TRPM6: variants seen among roughly 807,000 people sequenced by gnomAD.
TRPM6 encodes the protein transient receptor potential cation channel subfamily M member 6, also known as channel kinase 2.
Under a neutral mutation model 247.6 loss-of-function variants are expected in TRPM6, and 111 were observed. That is an observed-to-expected ratio of 0.45 (90% CI 0.38 to 0.52). The LOEUF (loss-of-function observed/expected upper bound fraction) is 0.52, where lower values mean the gene tolerates loss of function less well. TRPM6 is among the 20% of genes least tolerant of loss of function. The probability of loss-of-function intolerance (pLI) is 0.00; values close to 1 mark genes in which losing one functional copy is unlikely to be tolerated. For missense variants in TRPM6, 2,126 were observed against 2,421.5 expected (o/e 0.88, Z 2.56); for synonymous variants, 892 against 853.8 (o/e 1.04, Z -0.78).
intron 38 of TRPM6, among the ~76,000 whole-genome samples, chr9:74,727,930 G>C (rs1256643900): frequency 1.3e-5 from 2 of 152,016 alleles, no homozygotes; most frequent in African/African-American, 2.4e-5. Flanking sequence ...GTGGGGGGTG[G>C]GGCGGGGGCA....
At chr9:74,788,895 A>G (rs565185719) in intron 19 of TRPM6, among the ~76,000 whole-genome samples, 153 bp from the exon 20 acceptor site, 1 of 152,306 alleles carries the variant, frequency 6.6e-6, no homozygotes, top group South Asian at 2.1e-4. Flanking sequence ...ATGACCTACT[A>G]TCAAGGAAAG....
intron 6 of TRPM6, among the ~76,000 whole-genome samples, chr9:74,829,582 G>A (rs1377578173): frequency 6.6e-6 from 1 of 152,080 alleles, no homozygotes; most frequent in Admixed American, 6.6e-5. Context: ...TATTCAGAGG[G>A]TTGTTGTGAG....
chr9:74,826,059 A>C (rs1381431998), intron 7 of TRPM6, among the ~76,000 whole-genome samples: 1 of 151,848 alleles, frequency 6.6e-6, no homozygotes, highest in African/African-American at 2.4e-5. Flanking sequence ...CCCTCCTCCT[A>C]CCCCACAACC....
Position 74,870,405 on chromosome 9 carries a change from C to G in TRPM6, c.34-11657G>C, listed in dbSNP as rs1377354922. Among the ~76,000 whole-genome samples, 7 of 151,962 alleles carry G rather than the reference C, an allele frequency of 4.6e-5. No homozygotes were observed. In the East Asian group the frequency reaches 1.4e-3, roughly 29 times the overall value. ...GGATAAAGGATAAGAGTAAATGTAA[C>G]TGGGGATCATGGGCATTCAATAAAT... On this transcript the variant is annotated intron_variant, in intron 1 of 38. Transcript: ENST00000360774.
intron 19 of TRPM6, among the ~76,000 whole-genome samples, chr9:74,790,418 ATAGT>A (rs1341501496): frequency 6.6e-6 from 1 of 152,198 alleles, no homozygotes; most frequent in African/African-American, 2.4e-5. Context: ...TGGTTTCAGC[ATAGT>A]TAGACAATTT....
chr9:74,864,513 A>G (rs895938169), intron 1 of TRPM6, among the ~76,000 whole-genome samples: 4 of 152,202 alleles, frequency 2.6e-5, no homozygotes, highest in Admixed American at 6.5e-5. Context: ...TGTTCCACCA[A>G]CACTACCAGA....
chr9:74,738,748 T>C (rs528125306), intron 35 of TRPM6, 136 bp from the exon 36 acceptor site: 3 of 783,498 alleles, frequency 3.8e-6, no homozygotes, highest in Non-Finnish European at 6.6e-6. Flanking sequence ...TTGCCCTTTC[T>C]ATGGAAGGGA....
intron 20 of TRPM6, among the ~76,000 whole-genome samples, chr9:74,787,168 C>T (rs12338726): frequency 6.6e-6 from 1 of 152,100 alleles, no homozygotes; most frequent in Non-Finnish European, 1.5e-5. Flanking sequence ...AACCCTGTCT[C>T]TGCTAAAAAT....
intron 1 of TRPM6, chr9:74,887,249 C>G (rs1453569552): frequency 7.8e-7 from 1 of 1,275,828 alleles, no homozygotes; most frequent in African/African-American, 1.5e-5. Flanking sequence ...GCGCTGTCAT[C>G]GCTCCGGGAC....
At chr9:74,748,722 G>C (rs1311990075) in intron 30 of TRPM6, among the ~76,000 whole-genome samples, 1 of 152,150 alleles carries the variant, frequency 6.6e-6, no homozygotes, top group East Asian at 1.9e-4. Context: ...TATTGTAAAA[G>C]AGTCAAAAAG....
intron 31 of TRPM6, 89 bp downstream of exon 31, chr9:74,747,800 A>G: frequency 8.7e-7 from 1 of 1,149,068 alleles, no homozygotes; most frequent in Non-Finnish European, 1.3e-6. Flanking sequence ...ATACAATTTC[A>G]AGAATGACAA....
intron 7 of TRPM6, among the ~76,000 whole-genome samples, chr9:74,824,186 T>C (rs1391924256): frequency 6.6e-6 from 1 of 151,856 alleles, no homozygotes; most frequent in Admixed American, 6.6e-5. Flanking sequence ...AGTCTCACTT[T>C]GTTGCCCAGG....
At chr9:74,879,116 G>A (rs1051414575) in intron 1 of TRPM6, among the ~76,000 whole-genome samples, 1 of 151,534 alleles carries the variant, frequency 6.6e-6, no homozygotes, top group African/African-American at 2.4e-5. Flanking sequence ...ATTGACAAAA[G>A]ACATAAATAT....
chr9:74,887,075 C>A (rs189813842), intron 1 of TRPM6, among the ~76,000 whole-genome samples: 101 of 152,360 alleles, frequency 6.6e-4, no homozygotes, highest in African/African-American at 2.2e-3. Context: ...AGTGCTCTCC[C>A]AACAGCCAGG....
At chr9:74,842,664 G>C (rs1829982314) in intron 3 of TRPM6, among the ~76,000 whole-genome samples, 1 of 152,162 alleles carries the variant, frequency 6.6e-6, no homozygotes, top group African/African-American at 2.4e-5. Flanking sequence ...CAAATAGTTT[G>C]GTTTCCTAAT....
chr9:74,819,133 C>A (rs922700218), intron 9 of TRPM6, among the ~76,000 whole-genome samples: 5 of 151,968 alleles, frequency 3.3e-5, no homozygotes, highest in Admixed American at 2.6e-4. Flanking sequence ...CATGGTGAAA[C>A]CCCATCTCTA....
Position 74,820,389 on chromosome 9 carries a change from A to C in TRPM6, c.1049T>G (p.Met350Arg). Residue 350 changes from methionine to arginine, a missense_variant, in exon 9 of 39, where the codon ATG (methionine) becomes AGG (arginine). Met to Arg is a moderately conservative substitution (Grantham distance 91, BLOSUM62 -1). Coordinates refer to ENST00000360774, the MANE Select transcript of TRPM6 (RefSeq NM_017662.5). ...ACTAAAGTTGAAAGTGTTCTGAATCATGCAGATGATCTCCTCTTTCACCTG... is the reference window on the plus strand; with the variant it reads ...ACTAAAGTTGAAAGTGTTCTGAATCCTGCAGATGATCTCCTCTTTCACCTG... ...RPQVKEEIICMIQNTFNFSLK... is the reference protein window; with the variant it reads ...RPQVKEEIICRIQNTFNFSLK... 6.2e-7 allele frequency: 1 copy of C among 1,614,172 alleles called. No individual in the cohort carries two copies. Among genetic ancestry groups the C allele is most frequent in the Non-Finnish European group, 8.5e-7 (1 of 1,180,014 alleles).
At chr9:74,764,837 A>T (rs1826773356) in intron 25 of TRPM6, among the ~76,000 whole-genome samples, 1 of 152,230 alleles carries the variant, frequency 6.6e-6, no homozygotes, top group South Asian at 2.1e-4. Flanking sequence ...AAACTTTCAC[A>T]ATTTATTGAG....
intron 37 of TRPM6, among the ~76,000 whole-genome samples, chr9:74,728,766 T>C (rs546284738): frequency 4.9e-4 from 74 of 152,338 alleles, no homozygotes; most frequent in African/African-American, 1.7e-3. Flanking sequence ...TCTAAAACGA[T>C]GCATAGACAT....
Sources: allele counts gnomAD v4.1 joint callset (sites outside exome capture counted in the v4.1 genomes callset), GRCh38; gene constraint gnomAD v4.1.1; transcripts MANE v1.5; gene names NCBI Gene and HGNC (gene_info 2026-07-23, HGNC 2026-07-21).